Variants in CLN6 observed in about 807,000 individuals in gnomAD.
CLN6 encodes the protein ceroid-lipofuscinosis neuronal protein 6.
A neutral mutation model predicts 33.3 loss-of-function variants in CLN6; 22 were observed. The ratio of observed to expected loss-of-function variants is 0.66; its 90% CI spans 0.47 to 0.94. The LOEUF is 0.94. Among genes scored for constraint, CLN6 ranks in the 40% least tolerant of loss-of-function variants. The pLI is 0.00. For missense variants in CLN6, 387 were observed against 417.1 expected, an observed-to-expected ratio of 0.93 and a Z score of 0.63; for synonymous variants, 201 against 174.6, an observed-to-expected ratio of 1.15 and a Z score of -1.19.
intron 2 of CLN6, 175 bp from the exon 3 acceptor site, chr15:68,214,563 G>A: frequency 1.6e-6 from 1 of 611,498 alleles, no homozygotes; most frequent in Non-Finnish European, 3.0e-6. Context: ...TGGGACAAAG[G>A]TTTATCCAGA....
In CLN6 at chr15:68,236,721, G is replaced by A. The variant is rs1368307976; in HGVS notation, c.180-18071C>T. ...AACCACTGAATTATATACTTCAAAAGGGTGAATTTTATGACAAGTGAATTT... is the reference window on the plus strand; with the variant it reads ...AACCACTGAATTATATACTTCAAAAAGGTGAATTTTATGACAAGTGAATTT... On this transcript the variant is annotated intron_variant, in intron 1 of 6. Coordinates refer to the CLN6 transcript ENST00000538696. This position sits in a 1 kb window ranked among gnomAD's most constrained non-coding sequence, Gnocchi z 4.5. Among the ~76,000 whole-genome samples the A allele has an allele frequency of 6.6e-6, 1 of 152,176 alleles. No individual in the cohort carries two copies. Among genetic ancestry groups the A allele is most frequent in the Non-Finnish European group, 1.5e-5 (1 of 68,040 alleles).
At chr15:68,224,344 G>A (rs1208022245) in intron 1 of CLN6, among the ~76,000 whole-genome samples, 1 of 149,282 alleles carries the variant, frequency 6.7e-6, no homozygotes, top group African/African-American at 2.5e-5. Flanking sequence ...AGATTAGACT[G>A]GGCACAGTGG....
upstream of CLN6, among the ~76,000 whole-genome samples, chr15:68,233,309 G>C (rs8041416): frequency 6.7e-6 from 1 of 148,560 alleles, no homozygotes; most frequent in Non-Finnish European, 1.5e-5. This position sits in a 1 kb window ranked among gnomAD's most constrained non-coding sequence, Gnocchi z 4.3. Context: ...ACGGGGGGGT[G>C]GGGGGGGTGG....
chr15:68,236,737 A>G lies in CLN6; in HGVS notation c.180-18087T>C, dbSNP rs1002638805. 3.3e-5 allele frequency among the ~76,000 whole-genome samples: 5 copies of G among 152,244 alleles called. No homozygotes were observed. The highest frequency in any genetic ancestry group is 1.2e-4 in the African/African-American group (5 of 41,468). ...ACTTCAAAAGGGTGAATTTTATGAC[A>G]AGTGAATTTTATCTCAATAAAGCTA... On this transcript the variant is annotated intron_variant, in intron 1 of 6. Transcript: ENST00000538696. This position sits in a 1 kb window ranked among gnomAD's most constrained non-coding sequence, Gnocchi z 4.5.
rs2093191108 is a variant in CLN6, at chr15:68,207,734, C to T, written c.*406G>A. ...TGAGCCAGGTGGTGGGCAGGTGACA[C>T]ACCAGGTCCCCTCCTGGCCTCTGCC... On this transcript the variant is annotated 3_prime_UTR_variant, in exon 7 of 7. Transcript: ENST00000249806. 3 of 309,844 alleles carry T rather than the reference C, an allele frequency of 9.7e-6. No homozygotes were observed. Among genetic ancestry groups the T allele is most frequent in the South Asian group, 6.1e-5 (2 of 32,620 alleles). 19.2% of individuals were successfully genotyped at this position (309,844 alleles called of 1,614,324 possible).
rs962823429 is a variant in CLN6 at position 68,210,812 on chromosome 15, C to T, written c.542+451G>A. Among the ~76,000 whole-genome samples the T allele has an allele frequency of 3.3e-5, 5 of 152,182 alleles. No individual in the cohort carries two copies. The highest frequency in any genetic ancestry group is 1.2e-4 in the African/African-American group (5 of 41,458). ...TCCCCAGCCTGATCCAGCTGGCTCCCCGCAGCTTCCTCCACTCCCAAAGAG... is the reference window on the plus strand; with the variant it reads ...TCCCCAGCCTGATCCAGCTGGCTCCTCGCAGCTTCCTCCACTCCCAAAGAG... On this transcript the variant is annotated intron_variant, in intron 5 of 6. Transcript: ENST00000249806. The surrounding 1 kb of genome is among the most constrained non-coding windows in gnomAD (Gnocchi z 5.6).
rs1047897613 is a variant in CLN6, at chr15:68,210,169, C to T, written c.543-410G>A. Among the ~76,000 whole-genome samples the T allele has an allele frequency of 2.0e-5, 3 of 152,108 alleles. No homozygotes were observed. The highest frequency in any genetic ancestry group is 7.2e-5 in the African/African-American group (3 of 41,400). ...AAAAGAGAACAGCACCTGCAGGGGCCTCTTGGTGAAGCACTGCACCCACTC... is the reference window on the plus strand; with the variant it reads ...AAAAGAGAACAGCACCTGCAGGGGCTTCTTGGTGAAGCACTGCACCCACTC... On this transcript the variant is annotated intron_variant, in intron 5 of 6. Transcript: ENST00000249806. This position sits in a 1 kb window ranked among gnomAD's most constrained non-coding sequence, Gnocchi z 5.6.
Position 68,211,983 on chromosome 15 carries a change from A to G in CLN6, c.298-120T>C, listed in dbSNP as rs2093207221. On this transcript the variant is annotated intron_variant, in intron 3 of 6. Transcript: ENST00000249806. The surrounding 1 kb of genome is among the most constrained non-coding windows in gnomAD (Gnocchi z 5.9). ...GCTTCCAGCTGGAATGTCACTCCAAAAAGTGGCTGGTCCCTTTAGCAGGCC... is the reference window on the plus strand; with the variant it reads ...GCTTCCAGCTGGAATGTCACTCCAAGAAGTGGCTGGTCCCTTTAGCAGGCC... 3.7e-6 allele frequency: 4 copies of G among 1,070,164 alleles called. No individual in the cohort carries two copies. The highest frequency in any genetic ancestry group is 5.1e-5 in the East Asian group (2 of 39,062). The allele number at this position is 1,070,164 out of a possible 1,614,324, so 66.3% of individuals were successfully genotyped here.
At position 68,256,345 on chromosome 15, in the gene CLN6, G is replaced by C. The variant is rs1892436221; in HGVS notation, c.179+345C>G. Among the ~76,000 whole-genome samples the C allele has an allele frequency of 6.6e-6, 1 of 151,914 alleles. No homozygotes were observed. Among genetic ancestry groups the C allele is most frequent in the African/African-American group, 2.4e-5 (1 of 41,428 alleles). On this transcript the variant is annotated intron_variant, in intron 1 of 6. Coordinates refer to the CLN6 transcript ENST00000538696. This position sits in a 1 kb window ranked among gnomAD's most constrained non-coding sequence, Gnocchi z 4.1. ...GCTGGTTGAGAACTCCTGACCTCAA[G>C]TGATCCGCCTGCCTCTGCCTCCCAA...
intron 1 of CLN6, among the ~76,000 whole-genome samples, chr15:68,239,566 A>C (rs530863761): frequency 1.3e-5 from 2 of 152,298 alleles, no homozygotes; most frequent in East Asian, 3.9e-4. Context: ...AAGATGTAAT[A>C]GTTCTAAAGT....
intron 1 of CLN6, among the ~76,000 whole-genome samples, chr15:68,253,848 C>A (rs1892405206): frequency 1.3e-5 from 2 of 150,494 alleles, no homozygotes; most frequent in South Asian, 4.2e-4. Flanking sequence ...TTTGGTAATA[C>A]CTATGCCTAT....
intron 3 of CLN6, 148 bp downstream of exon 3, chr15:68,214,142 C>T: frequency 1.5e-6 from 1 of 680,704 alleles, no homozygotes. Context: ...GGGCCCCAGG[C>T]CCTGGACATG....
upstream of CLN6, among the ~76,000 whole-genome samples, chr15:68,231,257 A>AT (rs1270083515): frequency 1.1e-4 from 17 of 151,772 alleles, no homozygotes; most frequent in East Asian, 3.3e-3. Context: ...CCACACCTCA[A>AT]TCCCCCCCCT....
At position 68,211,583 on chromosome 15, in the gene CLN6, A is replaced by G; in HGVS notation, c.486+92T>C. On this transcript the variant is annotated intron_variant, in intron 4 of 6. Transcript: ENST00000249806. The surrounding 1 kb of genome is among the most constrained non-coding windows in gnomAD (Gnocchi z 5.9). ...AGCAGAATGCCTTTGGTGAAAGGAC[A>G]GGTGCGGCGAGGGGTGGGGGCCATT... 6.2e-7 allele frequency: 1 copy of G among 1,602,434 alleles called. No individual in the cohort carries two copies. The highest frequency in any genetic ancestry group is 8.5e-7 in the Non-Finnish European group (1 of 1,179,746).
rs959205908 is a variant in CLN6, at chr15:68,253,869, C to CA, written c.179+2820dup. Among the ~76,000 whole-genome samples, 22 of 74,008 alleles carry CA rather than the reference C, an allele frequency of 3.0e-4. 1 individual carries two copies. Among genetic ancestry groups the CA allele is most frequent in the Non-Finnish European group, 4.1e-4 (18 of 44,330 alleles). The allele number at this position is 74,008 out of a possible 152,430, so 48.6% of individuals were successfully genotyped here. A position where few individuals can be genotyped will look rare whatever the true frequency, so the allele number is the denominator to read the frequency against. On this transcript the variant is annotated intron_variant, in intron 1 of 6. Coordinates refer to the CLN6 transcript ENST00000538696. The stretch of plus-strand genomic sequence containing the variant: ...AATACCTATGCCTATGATAAAACTA[C>CA]ATTTTTTTTTTTTTTTGAGACAGAG...
chr15:68,211,525 C>T lies in CLN6; in HGVS notation c.486+150G>A, dbSNP rs2093205099. 1 of 1,592,292 alleles carries T rather than the reference C, an allele frequency of 6.3e-7. No homozygotes were observed. On this transcript the variant is annotated intron_variant, in intron 4 of 6. Coordinates refer to ENST00000249806, the MANE Select transcript of CLN6 (RefSeq NM_017882.3). The surrounding 1 kb of genome is among the most constrained non-coding windows in gnomAD (Gnocchi z 5.9). ...CCACTTCCTAAGAACACTTGAGCAT[C>T]CTAGCTTGGGGCAGGCGACAGTGCC...
chr15:68,254,580 G>A, intron 1 of CLN6: 1 of 564,908 alleles, frequency 1.8e-6, no homozygotes, highest in Non-Finnish European at 3.1e-6. Context: ...CCCCAGGACA[G>A]ATCAAAGCCA....
At chr15:68,253,049 T>C (rs895559691) in intron 1 of CLN6, among the ~76,000 whole-genome samples, 5 of 152,216 alleles carry the variant, frequency 3.3e-5, no homozygotes, top group African/African-American at 1.2e-4. Context: ...TTTGTTCTTT[T>C]GATGTATCAA....
In CLN6 at chr15:68,211,177, A is replaced by T; in HGVS notation, c.542+86T>A. ...ACACATGGAGACCCGCAGCCCAGAC[A>T]GCCTTGCTCAGTGTGTCCCTGAGCC... On this transcript the variant is annotated intron_variant, in intron 5 of 6. Coordinates refer to ENST00000249806, the MANE Select transcript of CLN6 (RefSeq NM_017882.3). This position sits in a 1 kb window ranked among gnomAD's most constrained non-coding sequence, Gnocchi z 5.9. 1 of 1,137,394 alleles carries T rather than the reference A, an allele frequency of 8.8e-7. No individual in the cohort carries two copies. Among genetic ancestry groups the T allele is most frequent in the Non-Finnish European group, 1.3e-6 (1 of 744,870 alleles). 70.5% of individuals were successfully genotyped at this position (1,137,394 alleles called of 1,614,324 possible).
Sources: gnomAD v4.1 joint callset for allele counts (sites outside exome capture counted in the v4.1 genomes callset) on GRCh38, gnomAD v4.1.1 for gene constraint, Gnocchi (gnomAD v3.1) non-coding constraint, MANE v1.5 for transcripts, NCBI Gene and HGNC (gene_info 2026-07-23, HGNC 2026-07-21) for gene names.